The following DLC1 variants were observed in gnomAD, a reference collection of about 807,000 sequenced individuals.
The protein encoded by DLC1 is DLC1 Rho GTPase activating protein, also known as rho GTPase-activating protein 7.
In DLC1, 54 loss-of-function variants were observed where a neutral mutation model predicts 140.3. That is an observed-to-expected ratio of 0.38 (90% CI 0.31 to 0.48). The LOEUF is 0.48. DLC1 is among the 20% of genes least tolerant of loss of function. The pLI, the probability that DLC1 is intolerant of heterozygous loss-of-function variation, is 0.96. For missense variants in DLC1, 2,536 were observed against 1,907.0 expected, an observed-to-expected ratio of 1.33 and a Z score of -6.14; for synonymous variants, 986 against 728.1, an observed-to-expected ratio of 1.35 and a Z score of -5.70.
At chr8:13,552,131 A>ATATATATATATC (rs71207164) in intron 1 of DLC1, among the ~76,000 whole-genome samples, 1 of 132,940 alleles carries the variant, frequency 7.5e-6, no homozygotes, top group African/African-American at 2.7e-5. Context: ...ATATATATAT[A>ATATATATATATC]TATATATATA....
intron 5 of DLC1, among the ~76,000 whole-genome samples, chr8:13,224,197 C>G (rs1029331943): frequency 6.6e-6 from 1 of 152,144 alleles, no homozygotes; most frequent in African/African-American, 2.4e-5. Flanking sequence ...TACTGAAATT[C>G]TTTTGGGAAA....
At chr8:13,487,577 CTTT>C (rs36124888) in intron 2 of DLC1, among the ~76,000 whole-genome samples, 1 of 143,690 alleles carries the variant, frequency 7.0e-6, no homozygotes, top group Non-Finnish European at 1.5e-5. Context: ...AAATGTTTTC[CTTT>C]TTTTTTTTTT....
At chr8:13,598,750 C>T (rs1000777932) in intron 1 of DLC1, among the ~76,000 whole-genome samples, 1 of 151,792 alleles carries the variant, frequency 6.6e-6, no homozygotes, top group Non-Finnish European at 1.5e-5. Flanking sequence ...TATGCATTGG[C>T]CTTAGAATGT....
chr8:13,495,216 T>C (rs1471936731), intron 2 of DLC1, among the ~76,000 whole-genome samples: 3 of 152,204 alleles, frequency 2.0e-5, no homozygotes, highest in Non-Finnish European at 4.4e-5. Flanking sequence ...TAAGTAGTCT[T>C]TACAGAAGAC....
At chr8:13,375,044 T>C (rs1835907579) in intron 4 of DLC1, among the ~76,000 whole-genome samples, 2 of 144,228 alleles carry the variant, frequency 1.4e-5, no homozygotes, top group African/African-American at 2.5e-5. Context: ...TTTTTTTTTT[T>C]TGAGACGGAG....
intron 5 of DLC1, among the ~76,000 whole-genome samples, chr8:13,241,037 C>T (rs1184847218): frequency 6.6e-6 from 1 of 152,076 alleles, no homozygotes; most frequent in Non-Finnish European, 1.5e-5. Context: ...AGGGAGACAG[C>T]CAGGGAGAAA....
At chr8:13,463,193 G>C (rs568557718) in intron 2 of DLC1, among the ~76,000 whole-genome samples, 7 of 151,962 alleles carry the variant, frequency 4.6e-5, no homozygotes, top group African/African-American at 1.7e-4. Context: ...ACCTATCATA[G>C]TAACTAGGTG....
In DLC1 at chr8:13,388,496, A is replaced by G. The variant is rs1187302300; in HGVS notation, c.1314+5057T>C. ...TGAGAAAGTTTTATACATAATTAAT[A>G]AATATAATTTATACTGAAAGATTGT... is the stretch of plus-strand genomic sequence containing the variant. On this transcript the variant is annotated intron_variant, in intron 4 of 17. Transcript: ENST00000276297. Among the ~76,000 whole-genome samples the G allele has an allele frequency of 2.0e-5, 3 of 152,020 alleles. No homozygotes were observed. In the South Asian group the frequency reaches 6.2e-4, roughly 31 times the overall value.
At position 13,099,465 on chromosome 8, in the gene DLC1, G is replaced by C. The variant is rs1386982860; in HGVS notation, c.2872C>G (p.Arg958Gly). The C allele has an allele frequency of 1.9e-6, 3 of 1,614,150 alleles. No individual in the cohort carries two copies. Among genetic ancestry groups the C allele is most frequent in the South Asian group, 1.1e-5 (1 of 91,080 alleles). Reference sequence around the variant, plus strand: ...CTGTCCAGGTCGCTGGGTGTGGTTCGGTCGTTGTCCACATCCAGGTGTATC... The same window carrying C: ...CTGTCCAGGTCGCTGGGTGTGGTTCCGTCGTTGTCCACATCCAGGTGTATC... Reference protein sequence around the residue: ...KQIHLDVDNDRTTPSDLDSTG... With the variant: ...KQIHLDVDNDGTTPSDLDSTG... The change falls in exon 9 of 18, where the codon CGA becomes GGA. Residue 958 changes from arginine (R) to glycine (G), a missense_variant. Arg to Gly is a moderately radical substitution (Grantham distance 125). Transcript: ENST00000276297.
chr8:13,517,002 T>A (rs1802609693), upstream of DLC1, among the ~76,000 whole-genome samples: 1 of 152,194 alleles, frequency 6.6e-6, no homozygotes, highest in South Asian at 2.1e-4. Flanking sequence ...GGAAGACTTC[T>A]TAAACTCTAA....
intron 2 of DLC1, among the ~76,000 whole-genome samples, chr8:13,438,130 A>G (rs1839205003): frequency 1.3e-5 from 2 of 151,824 alleles, no homozygotes; most frequent in African/African-American, 4.8e-5. Context: ...GTTGCCCATT[A>G]GAGAGATTTG....
At chr8:13,149,013 C>T (rs150221991) in intron 5 of DLC1, among the ~76,000 whole-genome samples, 3,755 of 152,200 alleles carry the variant, frequency 0.025, 64 homozygotes, top group South Asian at 0.054. Context: ...AGGACGGTCT[C>T]GATCTCCTGA....
chr8:13,133,055 G>T lies in DLC1; in HGVS notation c.1349-17398C>A, dbSNP rs375760830. 7.7e-6 allele frequency: 12 copies of T among 1,562,930 alleles called. No homozygotes were observed. In the Admixed American group the frequency reaches 7.7e-5, roughly 10 times the overall value. On this transcript the variant is annotated intron_variant, in intron 5 of 17. Coordinates refer to ENST00000276297, the MANE Select transcript of DLC1 (RefSeq NM_182643.3). ...GGAGGCGGCTCGGCTTCCGCGTCGG[G>T]ACCCACGGCGGCACCCGAGACGCGC...
intron 1 of DLC1, among the ~76,000 whole-genome samples, chr8:13,513,050 T>C (rs182909418): frequency 6.6e-6 from 1 of 151,898 alleles, no homozygotes; most frequent in African/African-American, 2.4e-5. Context: ...TCATACTTCA[T>C]TATGCATAAT....
At chr8:13,314,622 AT>A (rs1305648054) in intron 4 of DLC1, among the ~76,000 whole-genome samples, 1 of 152,202 alleles carries the variant, frequency 6.6e-6, no homozygotes, top group Non-Finnish European at 1.5e-5. Context: ...ATTACCAAAC[AT>A]TTGCTGATAT....
At chr8:13,161,178 T>C (rs1469603941) in intron 5 of DLC1, among the ~76,000 whole-genome samples, 1 of 152,198 alleles carries the variant, frequency 6.6e-6, no homozygotes, top group Non-Finnish European at 1.5e-5. Flanking sequence ...ACCCAAAATA[T>C]ACCACCTATG....
chr8:13,244,069 C>T (rs1196515239), intron 5 of DLC1, among the ~76,000 whole-genome samples: 1 of 152,136 alleles, frequency 6.6e-6, no homozygotes, highest in Non-Finnish European at 1.5e-5. Flanking sequence ...TTGACTTCTC[C>T]CTTTCCTGTG....
At chr8:13,166,064 C>T (rs549605936) in intron 5 of DLC1, among the ~76,000 whole-genome samples, 85 of 152,286 alleles carry the variant, frequency 5.6e-4, no homozygotes, top group Middle Eastern at 3.4e-3. Flanking sequence ...AACCTATTCC[C>T]AATGAAGCTC....
At chr8:13,579,631 A>G (rs1442582083) in intron 1 of DLC1, among the ~76,000 whole-genome samples, 2 of 134,390 alleles carry the variant, frequency 1.5e-5, no homozygotes, top group Non-Finnish European at 3.1e-5. Flanking sequence ...TATATTTATA[A>G]TATATTTAAT....
Sources: allele counts gnomAD v4.1 joint callset (sites outside exome capture counted in the v4.1 genomes callset), GRCh38; gene constraint gnomAD v4.1.1; transcripts MANE v1.5; gene names NCBI Gene and HGNC (gene_info 2026-07-23, HGNC 2026-07-21).